Variants in HDAC4 observed in about 807,000 individuals in gnomAD.
HDAC4 encodes histone deacetylase A.
Under a neutral mutation model 135.1 loss-of-function variants are expected in HDAC4, and 16 were observed. The ratio of observed to expected loss-of-function variants is 0.12; its 90% CI spans 0.08 to 0.18. HDAC4 has a LOEUF of 0.18. Among genes scored for constraint, HDAC4 ranks in the 10% least tolerant of loss-of-function variants. The probability of loss-of-function intolerance (pLI) is 1.00; values close to 1 mark genes in which losing one functional copy is unlikely to be tolerated. For missense variants in HDAC4, 1,143 were observed against 1,511.8 expected, an observed-to-expected ratio of 0.76 and a Z score of 4.05; for synonymous variants, 685 against 653.4, an observed-to-expected ratio of 1.05 and a Z score of -0.74.
In HDAC4 at chr2:239,281,438, T is replaced by G. The variant is rs534796372; in HGVS notation, c.23-44774A>C. On this transcript the variant is annotated intron_variant, in intron 2 of 26. Coordinates refer to ENST00000543185, the MANE Select transcript of HDAC4 (RefSeq NM_001378414.1). ...TCTACACACAATGTATACACCACTC[T>G]ACAATGAACACACCACTCTACACAC... Among the ~76,000 whole-genome samples, 304 of 144,422 alleles carry G rather than the reference T, an allele frequency of 2.1e-3. 7 individuals are homozygous for G. The highest frequency in any genetic ancestry group is 4.0e-3 in the Non-Finnish European group (265 of 66,410). 94.7% of individuals were successfully genotyped at this position (144,422 alleles called of 152,430 possible).
intron 2 of HDAC4, among the ~76,000 whole-genome samples, chr2:239,350,098 A>G (rs1289938626): frequency 6.6e-6 from 1 of 152,210 alleles, no homozygotes; most frequent in Non-Finnish European, 1.5e-5. Context: ...CCCGGCCTGA[A>G]AAGGTTAGAG....
chr2:239,348,976 CCA>C (rs1405744312), intron 2 of HDAC4, among the ~76,000 whole-genome samples: 1 of 152,198 alleles, frequency 6.6e-6, no homozygotes. Flanking sequence ...GAGAGGAAAG[CCA>C]CACACACTGC....
rs557557915 is a variant in HDAC4 at position 239,309,072 on chromosome 2, G to C, written c.22+43606C>G. The C allele has an allele frequency of 5.3e-5, 8 of 152,254 alleles. No individual in the cohort carries two copies. The South Asian group carries it at 1.7e-3, about 32-fold the overall frequency. 9.4% of individuals were successfully genotyped at this position (152,254 alleles called of 1,614,324 possible). ...TTCTTAAAAAAGAGTTAATCGTACT[G>C]ACTTGGTGCTTTACCTTCAGCCCAG... On this transcript the variant is annotated intron_variant, in intron 2 of 26. Transcript: ENST00000543185. This position sits in a 1 kb window ranked among gnomAD's most constrained non-coding sequence, Gnocchi z 4.2.
At chr2:239,189,442 G>A (rs1380292555) in intron 4 of HDAC4, among the ~76,000 whole-genome samples, 2 of 151,990 alleles carry the variant, frequency 1.3e-5, no homozygotes, top group Non-Finnish European at 2.9e-5. Flanking sequence ...AGAAAATATA[G>A]AAAAGTCCTA....
At chr2:239,228,472 G>C (rs189390329) in intron 3 of HDAC4, among the ~76,000 whole-genome samples, 8 of 152,200 alleles carry the variant, frequency 5.3e-5, no homozygotes, top group Non-Finnish European at 1.0e-4. Context: ...GTGAAAGGTG[G>C]TGTTCTTGGC....
chr2:239,113,250 A>T (rs542967666), intron 13 of HDAC4, among the ~76,000 whole-genome samples: 2 of 151,240 alleles, frequency 1.3e-5, no homozygotes, highest in African/African-American at 2.4e-5. Context: ...ACTCTGTCTC[A>T]CACACACACA....
intron 3 of HDAC4, among the ~76,000 whole-genome samples, chr2:239,200,064 G>T (rs2045660953): frequency 6.6e-6 from 1 of 152,198 alleles, no homozygotes; most frequent in Non-Finnish European, 1.5e-5. Context: ...CTTGACCCCT[G>T]TGTGGGTCCC....
intron 1 of HDAC4, among the ~76,000 whole-genome samples, chr2:239,368,975 T>TG (rs755320845): frequency 1.4e-4 from 22 of 152,074 alleles, no homozygotes; most frequent in Non-Finnish European, 2.5e-4. Context: ...AGCCCTCACC[T>TG]GGGGGGAGGT....
chr2:239,161,895 T>A, intron 6 of HDAC4: 1 of 362,456 alleles, frequency 2.8e-6, no homozygotes, highest in African/African-American at 2.1e-5. Flanking sequence ...CCAGGCCACT[T>A]CTTCTCCCGT....
At chr2:239,300,695 C>T (rs577105792) in intron 2 of HDAC4, among the ~76,000 whole-genome samples, 6 of 152,334 alleles carry the variant, frequency 3.9e-5, no homozygotes, top group African/African-American at 1.2e-4. Context: ...AATAGCACAC[C>T]TTTGTTTCCC....
At chr2:239,128,372 T>C (rs1013418343) in intron 11 of HDAC4, among the ~76,000 whole-genome samples, 5 of 151,818 alleles carry the variant, frequency 3.3e-5, no homozygotes, top group Non-Finnish European at 2.9e-5. Context: ...CTACTAAAAA[T>C]ACAAAAATCA....
rs1229668996 is a variant in HDAC4, at chr2:239,385,940, C to T, written c.-220+15038G>A. 2.6e-5 allele frequency among the ~76,000 whole-genome samples: 4 copies of T among 152,160 alleles called. No homozygotes were observed. In the East Asian group the frequency reaches 7.7e-4, roughly 29 times the overall value. On this transcript the variant is annotated intron_variant, in intron 1 of 26. Transcript: ENST00000543185. ...GCCCCGGAGGCAAGGTAAACAGAGG[C>T]CCAGGGACAGGAAAGCTCAGGTGTG...
intron 3 of HDAC4, among the ~76,000 whole-genome samples, chr2:239,235,725 T>C (rs1973788): frequency 0.032 from 4,907 of 152,314 alleles, 279 homozygotes; most frequent in African/African-American, 0.11. Flanking sequence ...CCATGGCCTA[T>C]AGACTTGGAG....
At chr2:239,169,297 G>C (rs1163129861) in intron 5 of HDAC4, among the ~76,000 whole-genome samples, 1 of 152,232 alleles carries the variant, frequency 6.6e-6, no homozygotes, top group African/African-American at 2.4e-5. Context: ...GGGGAGGCCG[G>C]ACCCCAGGCA....
At chr2:239,073,845 C>T (rs1369473373) in intron 22 of HDAC4, among the ~76,000 whole-genome samples, 8 of 152,246 alleles carry the variant, frequency 5.3e-5, no homozygotes, top group Admixed American at 3.9e-4. Context: ...AGTCCTTTGA[C>T]TCTTGCTGGA....
intron 3 of HDAC4, among the ~76,000 whole-genome samples, chr2:239,230,348 A>T (rs1411773593): frequency 1.4e-5 from 2 of 145,686 alleles, no homozygotes; most frequent in Admixed American, 1.4e-4. Flanking sequence ...ACCTCTAAAA[A>T]TTAAAACAAA....
chr2:239,374,386 C>CTGTTT (rs1694847876), intron 1 of HDAC4, among the ~76,000 whole-genome samples: 1 of 56,662 alleles, frequency 1.8e-5, no homozygotes, highest in Non-Finnish European at 3.0e-5. Flanking sequence ...GAAAACAAGG[C>CTGTTT]TTTTTTTTTT....
chr2:239,290,680 G>A (rs771310076), intron 2 of HDAC4, among the ~76,000 whole-genome samples: 3 of 151,798 alleles, frequency 2.0e-5, no homozygotes, highest in East Asian at 1.9e-4. Flanking sequence ...CATTCAGTTC[G>A]CACGCGCATG....
At chr2:239,084,972 C>A (rs1489382801) in intron 19 of HDAC4, among the ~76,000 whole-genome samples, 2 of 149,232 alleles carry the variant, frequency 1.3e-5, no homozygotes, top group East Asian at 4.0e-4. Context: ...CACATACAAG[C>A]ACACACACAC....
Sources: allele counts gnomAD v4.1 joint callset (sites outside exome capture counted in the v4.1 genomes callset), GRCh38; gene constraint gnomAD v4.1.1; non-coding constraint Gnocchi (gnomAD v3.1); transcripts MANE v1.5; gene names NCBI Gene and HGNC (gene_info 2026-07-23, HGNC 2026-07-21).